Variants in EYA3 observed in about 807,000 individuals in gnomAD.
The protein encoded by EYA3 is protein phosphatase EYA3.
A neutral mutation model predicts 80.0 loss-of-function variants in EYA3; 39 were observed. That is an observed-to-expected ratio of 0.49 (90% CI 0.38 to 0.64). EYA3 has a LOEUF of 0.64. Ranked by LOEUF, EYA3 falls within the 30% of genes least tolerant of loss-of-function variation. The pLI is 0.00. For missense variants in EYA3, 523 were observed against 676.1 expected, an observed-to-expected ratio of 0.77 and a Z score of 2.51; for synonymous variants, 206 against 232.8, an observed-to-expected ratio of 0.88 and a Z score of 1.05.
At position 27,988,660 on chromosome 1, in the gene EYA3, T is replaced by A. The variant is rs375191135; in HGVS notation, c.1419-4A>T. ...CAGAACATTCACACAATTCTTTCTA[T>A]AAGGGAGTAAAAGGGAAAAGAAAAG... On this transcript the variant is annotated splice_region_variant and splice_polypyrimidine_tract_variant and intron_variant, in intron 15 of 17. Transcript: ENST00000373871. The A allele has an allele frequency of 1.9e-6, 3 of 1,613,022 alleles. No individual in the cohort carries two copies. Among genetic ancestry groups the A allele is most frequent in the Non-Finnish European group, 2.5e-6 (3 of 1,179,770 alleles).
chr1:27,990,932 A>G (rs1247313248), intron 14 of EYA3, among the ~76,000 whole-genome samples: 2 of 151,638 alleles, frequency 1.3e-5, no homozygotes, highest in Non-Finnish European at 2.9e-5. Flanking sequence ...TCTTTATCAC[A>G]GTGTTTTGGG....
intron 7 of EYA3, among the ~76,000 whole-genome samples, chr1:28,026,016 C>T (rs964246555): frequency 2.0e-5 from 3 of 152,208 alleles, no homozygotes; most frequent in South Asian, 4.1e-4. Context: ...GCCTCGGCCT[C>T]CCAAAGTGCT....
chr1:28,016,102 G>A lies in EYA3; in HGVS notation c.585+1052C>T, dbSNP rs72656592. Among the ~76,000 whole-genome samples, 1,395 of 152,278 alleles carry A rather than the reference G, an allele frequency of 9.2e-3. 10 individuals carry two copies. The highest frequency in any genetic ancestry group is 0.017 in the African/African-American group (694 of 41,566). ...TCCCTGTGGATGAAGTAATTAACATGTGGAAAAACCAAATAGAGACTGTCC... is the reference window on the plus strand; with the variant it reads ...TCCCTGTGGATGAAGTAATTAACATATGGAAAAACCAAATAGAGACTGTCC... On this transcript the variant is annotated intron_variant, in intron 8 of 17. Transcript: ENST00000373871.
intron 16 of EYA3, among the ~76,000 whole-genome samples, chr1:27,985,157 A>G (rs553460340): frequency 6.6e-6 from 1 of 152,058 alleles, no homozygotes; most frequent in African/African-American, 2.4e-5. Context: ...GGCTCACTGC[A>G]GTTTTGACCA....
intron 7 of EYA3, among the ~76,000 whole-genome samples, chr1:28,020,322 A>T (rs896768676): frequency 1.3e-5 from 2 of 152,158 alleles, no homozygotes; most frequent in African/African-American, 4.8e-5. Flanking sequence ...TGACCCAGAA[A>T]GTTCATAGGG....
chr1:28,017,448 C>G (rs1237362252), intron 7 of EYA3, among the ~76,000 whole-genome samples: 1 of 152,130 alleles, frequency 6.6e-6, no homozygotes, highest in Non-Finnish European at 1.5e-5. Context: ...TCTGTTTCAA[C>G]TTGAGTCTTC....
chr1:27,993,371 G>C, intron 14 of EYA3, 29 bp downstream of exon 14: 1 of 1,600,828 alleles, frequency 6.2e-7, no homozygotes, highest in Admixed American at 1.8e-5. Context: ...AAGAAACAGA[G>C]AATCAGACTG....
At chr1:28,029,774 T>C (rs1643015644) in intron 6 of EYA3, among the ~76,000 whole-genome samples, 2 of 152,028 alleles carry the variant, frequency 1.3e-5, no homozygotes, top group South Asian at 4.2e-4. Flanking sequence ...TTTGTATTTT[T>C]AGTAAAGATG....
intron 2 of EYA3, among the ~76,000 whole-genome samples, chr1:28,052,575 G>A (rs761286399): frequency 4.6e-5 from 7 of 152,150 alleles, no homozygotes; most frequent in Non-Finnish European, 1.0e-4. Context: ...AAAATTAACT[G>A]AAAATGGATC....
At chr1:28,050,493 C>A (rs1003728773) in intron 2 of EYA3, among the ~76,000 whole-genome samples, 2 of 152,056 alleles carry the variant, frequency 1.3e-5, no homozygotes, top group South Asian at 4.2e-4. Flanking sequence ...TGAGCCACTG[C>A]GCCTGGCCAA....
chr1:28,006,271 G>A (rs899077616), intron 10 of EYA3, among the ~76,000 whole-genome samples: 4 of 151,818 alleles, frequency 2.6e-5, no homozygotes, highest in Non-Finnish European at 5.9e-5. Context: ...AACAGAGGGG[G>A]AAAAAGCTAC....
chr1:28,049,084 G>A (rs1644142264), intron 2 of EYA3, among the ~76,000 whole-genome samples: 1 of 152,132 alleles, frequency 6.6e-6, no homozygotes, highest in African/African-American at 2.4e-5. Context: ...GTAGAAACAT[G>A]TCTAATATGC....
At chr1:28,030,225 T>C (rs907277193) in intron 6 of EYA3, among the ~76,000 whole-genome samples, 1 of 152,208 alleles carries the variant, frequency 6.6e-6, no homozygotes, top group African/African-American at 2.4e-5. Context: ...AATTTGTTGA[T>C]AAGTACATTT....
intron 17 of EYA3, among the ~76,000 whole-genome samples, chr1:27,974,783 A>G (rs139271206): frequency 1.3e-5 from 2 of 152,266 alleles, no homozygotes; most frequent in African/African-American, 2.4e-5. Flanking sequence ...TGTGCTTTTG[A>G]GAGATTACCT....
At chr1:28,063,238 G>T (rs1189160705) in intron 1 of EYA3, among the ~76,000 whole-genome samples, 1 of 148,834 alleles carries the variant, frequency 6.7e-6, no homozygotes, top group African/African-American at 2.5e-5. Flanking sequence ...CCATAGATTT[G>T]CTCACTGACT....
intron 15 of EYA3, 51 bp downstream of exon 15, chr1:27,989,646 T>G (rs1261236471): frequency 8.2e-7 from 1 of 1,213,018 alleles, no homozygotes; most frequent in Non-Finnish European, 1.2e-6. Flanking sequence ...TGAACTGGAG[T>G]AGAAGAATAT....
At chr1:28,014,733 A>C (rs1047843928) in intron 8 of EYA3, among the ~76,000 whole-genome samples, 1 of 151,994 alleles carries the variant, frequency 6.6e-6, no homozygotes, top group African/African-American at 2.4e-5. Context: ...GTCTCAAAAA[A>C]AAAAAAAGGT....
At chr1:28,070,798 A>G (rs752527483) in intron 1 of EYA3, among the ~76,000 whole-genome samples, 3 of 148,222 alleles carry the variant, frequency 2.0e-5, no homozygotes, top group Non-Finnish European at 4.4e-5. Flanking sequence ...CCAGGTAACA[A>G]TAACACTGAC....
intron 8 of EYA3, among the ~76,000 whole-genome samples, chr1:28,014,727 CA>C (rs60346277): frequency 1.5e-3 from 196 of 132,328 alleles, no homozygotes; most frequent in African/African-American, 1.7e-3. Flanking sequence ...GACTCTGTCT[CA>C]AAAAAAAAAA....
Sources: allele counts gnomAD v4.1 joint callset (sites outside exome capture counted in the v4.1 genomes callset), GRCh38; gene constraint gnomAD v4.1.1; transcripts MANE v1.5; gene names NCBI Gene and HGNC (gene_info 2026-07-23, HGNC 2026-07-21).